The following NIPBL variants were observed in gnomAD, a reference collection of about 807,000 sequenced individuals.
NIPBL encodes the protein nipped-B-like protein.
NIPBL carries 19 observed loss-of-function variants against 321.8 expected under a neutral mutation model. The ratio of observed to expected loss-of-function variants is 0.06; its 90% CI spans 0.04 to 0.09. NIPBL has a LOEUF of 0.09. NIPBL is among the 10% of genes least tolerant of loss of function. The probability of loss-of-function intolerance (pLI) is 1.00; values close to 1 mark genes in which losing one functional copy is unlikely to be tolerated. For missense variants in NIPBL, 2,210 were observed against 3,327.0 expected, an observed-to-expected ratio of 0.66 and a Z score of 8.26; for synonymous variants, 1,106 against 1,114.1, an observed-to-expected ratio of 0.99 and a Z score of 0.14.
At chr5:36,950,456 C>T (rs1186395816) in intron 1 of NIPBL, among the ~76,000 whole-genome samples, 2 of 152,058 alleles carry the variant, frequency 1.3e-5, no homozygotes, top group Non-Finnish European at 2.9e-5. Flanking sequence ...AAATCAGCAA[C>T]TCTCAGATGG....
At position 36,927,814 on chromosome 5, in the gene NIPBL, A is replaced by G. The variant is rs778328907; in HGVS notation, c.-79-25804A>G. Among the ~76,000 whole-genome samples the G allele has an allele frequency of 3.3e-5, 5 of 152,126 alleles. 1 individual carries two copies. The highest frequency in any genetic ancestry group is 4.8e-5 in the African/African-American group (2 of 41,424). Reference sequence around the variant, plus strand: ...GTCCAGGCTGGAGTCTTTAATATATATAGTGTTTAAAATCCTTGAGACATG... The same window carrying G: ...GTCCAGGCTGGAGTCTTTAATATATGTAGTGTTTAAAATCCTTGAGACATG... On this transcript the variant is annotated intron_variant, in intron 1 of 46. Coordinates refer to ENST00000282516, the MANE Select transcript of NIPBL (RefSeq NM_133433.4).
At chr5:37,055,029 TATG>T (rs780231938) in intron 42 of NIPBL, among the ~76,000 whole-genome samples, 26 of 152,272 alleles carry the variant, frequency 1.7e-4, no homozygotes, top group Non-Finnish European at 3.2e-4. Flanking sequence ...AATAAATTAC[TATG>T]ATAACAGTAG....
chr5:36,996,792 G>C lies in NIPBL; in HGVS notation c.3304+988G>C. 1 of 220,314 alleles carries C rather than the reference G, an allele frequency of 4.5e-6. No homozygotes were observed. Among genetic ancestry groups the C allele is most frequent in the South Asian group, 6.0e-5 (1 of 16,676 alleles). 13.6% of individuals were successfully genotyped at this position (220,314 alleles called of 1,614,324 possible). A position where few individuals can be genotyped will look rare whatever the true frequency, so the allele number is the denominator to read the frequency against. ...TTTCCACCTAGTGTCCATAGATTGA[G>C]GTGTGACAAGCAAGGGCAGGAAGGA... On this transcript the variant is annotated intron_variant, in intron 11 of 46. Coordinates refer to ENST00000282516, the MANE Select transcript of NIPBL (RefSeq NM_133433.4). This position sits in a 1 kb window ranked among gnomAD's most constrained non-coding sequence, Gnocchi z 5.0.
At chr5:37,032,222 GA>G (rs1486598967) in intron 32 of NIPBL, among the ~76,000 whole-genome samples, 2 of 152,030 alleles carry the variant, frequency 1.3e-5, no homozygotes, top group African/African-American at 4.8e-5. Flanking sequence ...GAATGCATTT[GA>G]CAAAACTGAG....
At chr5:36,938,661 CACAG>C (rs1738724239) in intron 1 of NIPBL, among the ~76,000 whole-genome samples, 1 of 152,118 alleles carries the variant, frequency 6.6e-6, no homozygotes, top group African/African-American at 2.4e-5. Context: ...GTCCAGAATA[CACAG>C]ACTATTACTG....
chr5:36,887,465 G>A (rs184463674), intron 1 of NIPBL, among the ~76,000 whole-genome samples: 2 of 152,302 alleles, frequency 1.3e-5, no homozygotes, highest in East Asian at 3.9e-4. Flanking sequence ...ATTGGGGGCA[G>A]ATAATGAGAA....
chr5:37,004,932 A>G (rs968580646), intron 16 of NIPBL, among the ~76,000 whole-genome samples: 2 of 152,190 alleles, frequency 1.3e-5, no homozygotes, highest in Non-Finnish European at 2.9e-5. Context: ...TGGTGTTTAC[A>G]AAAGCCACAG....
At chr5:37,027,611 T>G (rs1750448300) in intron 32 of NIPBL, among the ~76,000 whole-genome samples, 199 bp downstream of exon 32, 2 of 138,798 alleles carry the variant, frequency 1.4e-5, no homozygotes, top group South Asian at 2.4e-4. Context: ...TGGTTTTTTT[T>G]TTTTTTTTTT....
rs1315159175 is a variant in NIPBL at position 36,942,504 on chromosome 5, C to T, written c.-79-11114C>T. Among the ~76,000 whole-genome samples the T allele has an allele frequency of 2.0e-5, 3 of 146,866 alleles. No individual in the cohort carries two copies. The South Asian group carries it at 6.4e-4, about 31-fold the overall frequency. The stretch of plus-strand genomic sequence containing the variant: ...CCTTGAAATCCAGCACTTTGGGAGG[C>T]CAAAGCAGGCAGATCACTTGAGGTC... On this transcript the variant is annotated intron_variant, in intron 1 of 46. Coordinates refer to ENST00000282516, the MANE Select transcript of NIPBL (RefSeq NM_133433.4).
At position 36,982,425 on chromosome 5, in the gene NIPBL, T is replaced by A. The variant is rs575606394; in HGVS notation, c.1496-2251T>A. Among the ~76,000 whole-genome samples, 5 of 151,904 alleles carry A rather than the reference T, an allele frequency of 3.3e-5. No individual in the cohort carries two copies. The South Asian group carries it at 1.0e-3, about 31-fold the overall frequency. Reference sequence around the variant, plus strand: ...AATCAGAACATACATGCTCTTGACATACCTAAGAATCCTTGTCACAGTAAT... The same window carrying A: ...AATCAGAACATACATGCTCTTGACAAACCTAAGAATCCTTGTCACAGTAAT... On this transcript the variant is annotated intron_variant, in intron 9 of 46. Transcript: ENST00000282516.
intron 1 of NIPBL, among the ~76,000 whole-genome samples, chr5:36,904,039 C>T (rs1000140503): frequency 1.3e-5 from 2 of 152,102 alleles, no homozygotes; most frequent in South Asian, 2.1e-4. Context: ...CTTACACATA[C>T]CACATACTGT....
rs774414570 is a variant in NIPBL, at chr5:37,063,936, T to C, written c.8007T>C (p.Asp2669=). The change falls in exon 46 of 47, where the codon GAT becomes GAC. Residue 2669 remains aspartate (D), a synonymous_variant. Coordinates refer to ENST00000282516, the MANE Select transcript of NIPBL (RefSeq NM_133433.4). ...ATAATACAGCAGCAGAGACAGAAGATGATGAAAGTGATGGGGAGGATAGAG... is the reference window on the plus strand; with the variant it reads ...ATAATACAGCAGCAGAGACAGAAGACGATGAAAGTGATGGGGAGGATAGAG... ...PKNNTAAETE[D]DESDGEDRGG... The C allele has an allele frequency of 6.2e-7, 1 of 1,613,776 alleles. No individual in the cohort carries two copies. The highest frequency in any genetic ancestry group is 1.3e-5 in the African/African-American group (1 of 74,840).
intron 1 of NIPBL, 62 bp downstream of exon 1, chr5:36,877,240 T>C: frequency 5.7e-6 from 1 of 175,324 alleles, no homozygotes; most frequent in South Asian, 1.8e-4. Flanking sequence ...GTCCTCAGCG[T>C]CTCTCCTCCT....
At chr5:36,918,147 T>A (rs1228575617) in intron 1 of NIPBL, among the ~76,000 whole-genome samples, 1 of 152,208 alleles carries the variant, frequency 6.6e-6, no homozygotes, top group African/African-American at 2.4e-5. Context: ...TGATTCTTCC[T>A]ACCCATGAGC....
chr5:36,954,364 T>C (rs1333586925), intron 2 of NIPBL, among the ~76,000 whole-genome samples: 1 of 152,178 alleles, frequency 6.6e-6, no homozygotes, highest in Middle Eastern at 3.2e-3. Flanking sequence ...TTTTGTTTTG[T>C]TTTGTGAATT....
intron 9 of NIPBL, among the ~76,000 whole-genome samples, chr5:36,982,001 T>G (rs767817801): frequency 6.6e-6 from 1 of 151,844 alleles, no homozygotes; most frequent in Non-Finnish European, 1.5e-5. Context: ...TGTTTTCATT[T>G]ATCACTTGTA....
chr5:37,020,726 C>G lies in NIPBL; in HGVS notation c.5226-49C>G, dbSNP rs1749527507. 3.7e-6 allele frequency: 6 copies of G among 1,601,828 alleles called. No individual in the cohort carries two copies. In the African/African-American group the frequency reaches 4.0e-5, roughly 11 times the overall value. On this transcript the variant is annotated intron_variant, in intron 26 of 46. Transcript: ENST00000282516. ...ATTTATCTCCTTGATATCTATTTCC[C>G]TAAGTTACAAAAAAAGAAAAATAAA... is the stretch of plus-strand genomic sequence containing the variant.
At chr5:36,970,411 C>CTATATATA (rs34663125) in intron 6 of NIPBL, among the ~76,000 whole-genome samples, 141 of 143,580 alleles carry the variant, frequency 9.8e-4, no homozygotes, top group Non-Finnish European at 1.5e-3. Context: ...GAATTTAAAA[C>CTATATATA]TATATATATA....
chr5:36,878,917 G>T (rs1292093864), intron 1 of NIPBL, among the ~76,000 whole-genome samples: 1 of 151,088 alleles, frequency 6.6e-6, no homozygotes, highest in Non-Finnish European at 1.5e-5. Flanking sequence ...TCCTGTCTTT[G>T]TGCTGCCTGC....
Sources: gnomAD v4.1 joint callset for allele counts (sites outside exome capture counted in the v4.1 genomes callset) on GRCh38, gnomAD v4.1.1 for gene constraint, Gnocchi (gnomAD v3.1) non-coding constraint, MANE v1.5 for transcripts, NCBI Gene and HGNC (gene_info 2026-07-23, HGNC 2026-07-21) for gene names.